The following ADCY2 variants were observed in gnomAD, a reference collection of about 807,000 sequenced individuals.
The protein encoded by ADCY2 is adenylate cyclase 2.
Under a neutral mutation model 125.2 loss-of-function variants are expected in ADCY2, and 31 were observed. That is an observed-to-expected ratio of 0.25 (90% CI 0.19 to 0.33). The LOEUF is 0.33. Ranked by LOEUF, ADCY2 falls within the 10% of genes least tolerant of loss-of-function variation. The pLI is 1.00. For synonymous variants in ADCY2, 512 were observed against 548.4 expected (o/e 0.93, Z 0.93); for missense variants, 904 against 1,418.2 (o/e 0.64, Z 5.82).
intron 4 of ADCY2, among the ~76,000 whole-genome samples, chr5:7,655,947 C>T (rs1270161074): frequency 1.3e-5 from 2 of 152,088 alleles, no homozygotes; most frequent in Non-Finnish European, 2.9e-5. Flanking sequence ...TGAGCTGTGT[C>T]CTGTAAAATA....
chr5:7,645,477 A>C (rs936987103), intron 4 of ADCY2, among the ~76,000 whole-genome samples: 4 of 152,234 alleles, frequency 2.6e-5, no homozygotes, highest in Admixed American at 2.6e-4. Flanking sequence ...GAGCAGTAAG[A>C]TTAAAGGACA....
At chr5:7,412,997 A>G (rs992402878) in intron 1 of ADCY2, among the ~76,000 whole-genome samples, 1 of 144,688 alleles carries the variant, frequency 6.9e-6, no homozygotes. Flanking sequence ...TTTCCCAGGC[A>G]TCATTTAACA....
chr5:7,734,145 T>G (rs1053348761), intron 14 of ADCY2, among the ~76,000 whole-genome samples: 8 of 152,100 alleles, frequency 5.3e-5, no homozygotes, highest in East Asian at 3.9e-4. Context: ...CAGATGTGAG[T>G]GGAGAGCTGA....
At chr5:7,704,141 T>A (rs1267872531) in intron 7 of ADCY2, among the ~76,000 whole-genome samples, 4 of 152,100 alleles carry the variant, frequency 2.6e-5, no homozygotes, top group African/African-American at 9.7e-5. Context: ...CCATTCCCAT[T>A]CATTGAGCCG....
intron 14 of ADCY2, among the ~76,000 whole-genome samples, chr5:7,737,909 A>G (rs1484113336): frequency 6.6e-6 from 1 of 152,210 alleles, no homozygotes; most frequent in Non-Finnish European, 1.5e-5. Flanking sequence ...ACTGATAGGA[A>G]CATGATGAAC....
At chr5:7,750,061 C>A (rs1464995716) in intron 15 of ADCY2, among the ~76,000 whole-genome samples, 2 of 152,122 alleles carry the variant, frequency 1.3e-5, no homozygotes, top group Non-Finnish European at 2.9e-5. Flanking sequence ...AGCTCTATGT[C>A]CTTTTCTCTG....
chr5:7,824,988 CACA>C (rs1407569451), intron 24 of ADCY2, among the ~76,000 whole-genome samples: 1 of 152,328 alleles, frequency 6.6e-6, no homozygotes, highest in East Asian at 1.9e-4. Flanking sequence ...CGGGACACAC[CACA>C]ACCAAAATTG....
At chr5:7,666,407 T>C (rs1296461619) in intron 4 of ADCY2, among the ~76,000 whole-genome samples, 3 of 151,934 alleles carry the variant, frequency 2.0e-5, no homozygotes, top group Non-Finnish European at 4.4e-5. Flanking sequence ...TAGCTGGGAC[T>C]ACAGGCGCCC....
intron 3 of ADCY2, among the ~76,000 whole-genome samples, chr5:7,523,270 T>C (rs1744524954): frequency 6.6e-6 from 1 of 150,996 alleles, no homozygotes; most frequent in South Asian, 2.1e-4. Flanking sequence ...GTATTCTTTA[T>C]TGAGCTGGGT....
At chr5:7,540,696 C>A (rs931546653) in intron 3 of ADCY2, among the ~76,000 whole-genome samples, 4 of 152,156 alleles carry the variant, frequency 2.6e-5, no homozygotes, top group African/African-American at 9.7e-5. Flanking sequence ...GCATTTCTCC[C>A]AGTTCTTGTC....
Position 7,712,903 on chromosome 5 carries a change from T to G in ADCY2, c.1622+4T>G, listed in dbSNP as rs2126367008. ...ATTTTCAAAATCGCACCTTAAGGTATGGTATCTCTCTATCTGATTTTTTAA... is the reference window on the plus strand; with the variant it reads ...ATTTTCAAAATCGCACCTTAAGGTAGGGTATCTCTCTATCTGATTTTTTAA... On this transcript the variant is annotated splice_donor_region_variant and intron_variant, in intron 11 of 24. Coordinates refer to ENST00000338316, the MANE Select transcript of ADCY2 (RefSeq NM_020546.3). 2 of 1,598,898 alleles carry G rather than the reference T, an allele frequency of 1.3e-6. No homozygotes were observed. The highest frequency in any genetic ancestry group is 2.2e-5 in the South Asian group (2 of 90,678).
intron 2 of ADCY2, among the ~76,000 whole-genome samples, chr5:7,454,552 T>A (rs193202649): frequency 1.0e-3 from 152 of 152,354 alleles, no homozygotes; most frequent in Non-Finnish European, 1.8e-3. Flanking sequence ...GGTGAACACT[T>A]CTTTTTTCAT....
At position 7,761,148 on chromosome 5, in the gene ADCY2, C is replaced by CTTTTTTTTTTTTTTTTTTTTT. The variant is rs367998018; in HGVS notation, c.2094+3581_2094+3582insTTTTTTTTTTTTTTTTTTTTT. Among the ~76,000 whole-genome samples, 7 of 88,160 alleles carry CTTTTTTTTTTTTTTTTTTTTT rather than the reference C, an allele frequency of 7.9e-5. 1 individual carries two copies. Among genetic ancestry groups the CTTTTTTTTTTTTTTTTTTTTT allele is most frequent in the African/African-American group, 1.9e-4 (4 of 21,584 alleles). The allele number at this position is 88,160 out of a possible 152,430, so 57.8% of individuals were successfully genotyped here. A position where few individuals can be genotyped will look rare whatever the true frequency, so the allele number is the denominator to read the frequency against. On this transcript the variant is annotated intron_variant, in intron 16 of 24. Transcript: ENST00000338316. ...ATCAAAATTTCTTTTCTTTTCTTTT[C>CTTTTTTTTTTTTTTTTTTTTT]TTTTTTTTTTTTTTTTTTTGAGATG... is the stretch of plus-strand genomic sequence containing the variant.
chr5:7,762,393 A>C (rs1169171049), intron 16 of ADCY2, among the ~76,000 whole-genome samples: 2 of 152,244 alleles, frequency 1.3e-5, no homozygotes, highest in African/African-American at 4.8e-5. Flanking sequence ...GAGGATCTGC[A>C]GATGCCCTGG....
chr5:7,463,482 A>G lies in ADCY2; in HGVS notation c.408+48712A>G, dbSNP rs563631483. ...GTTACCCAAAGAGGTGGTGTAATCAAATTCTTTGCTGTTGGGGCTCAGATG... is the reference window on the plus strand; with the variant it reads ...GTTACCCAAAGAGGTGGTGTAATCAGATTCTTTGCTGTTGGGGCTCAGATG... On this transcript the variant is annotated intron_variant, in intron 2 of 24. Coordinates refer to ENST00000338316, the MANE Select transcript of ADCY2 (RefSeq NM_020546.3). Among the ~76,000 whole-genome samples the G allele has an allele frequency of 4.6e-5, 7 of 152,282 alleles. No homozygotes were observed. The South Asian group carries it at 8.3e-4, about 18-fold the overall frequency.
chr5:7,652,940 G>A (rs1034046862), intron 4 of ADCY2, among the ~76,000 whole-genome samples: 1 of 152,138 alleles, frequency 6.6e-6, no homozygotes, highest in East Asian at 1.9e-4. Flanking sequence ...GAAGAAACGT[G>A]TAGAAAAGGA....
At chr5:7,725,520 T>G (rs1741902980) in intron 13 of ADCY2, among the ~76,000 whole-genome samples, 1 of 152,200 alleles carries the variant, frequency 6.6e-6, no homozygotes, top group South Asian at 2.1e-4. Flanking sequence ...AGTAGAGGAC[T>G]CTGACCATTG....
chr5:7,618,860 AT>A (rs2126651170), intron 3 of ADCY2, among the ~76,000 whole-genome samples: 1 of 152,284 alleles, frequency 6.6e-6, no homozygotes, highest in African/African-American at 2.4e-5. Flanking sequence ...GACTAGTAAA[AT>A]TGTTGTTTTA....
intron 3 of ADCY2, among the ~76,000 whole-genome samples, chr5:7,570,135 A>G (rs1398054879): frequency 6.6e-6 from 1 of 152,070 alleles, no homozygotes; most frequent in African/African-American, 2.4e-5. Context: ...CTGAATGATT[A>G]AATTTCCAAT....
Sources: gnomAD v4.1 joint callset for allele counts (sites outside exome capture counted in the v4.1 genomes callset) on GRCh38, gnomAD v4.1.1 for gene constraint, MANE v1.5 for transcripts, NCBI Gene and HGNC (gene_info 2026-07-23, HGNC 2026-07-21) for gene names.